Variants in DPH6 observed in about 807,000 individuals in gnomAD.
The protein encoded by DPH6 is diphthamine biosynthesis 6.
A neutral mutation model predicts 38.2 loss-of-function variants in DPH6; 33 were observed. The ratio of observed to expected loss-of-function variants is 0.86; its 90% CI spans 0.65 to 1.15. DPH6 has a LOEUF of 1.15. Among genes scored for constraint, DPH6 ranks in the 50% most tolerant of loss-of-function variants. The pLI, the probability that DPH6 is intolerant of heterozygous loss-of-function variation, is 0.00. For synonymous variants in DPH6, 108 were observed against 103.0 expected (o/e 1.05, Z -0.30); for missense variants, 325 against 320.0 (o/e 1.02, Z -0.12).
At chr15:35,277,714 T>A (rs942007520) in intron 3 of DPH6, among the ~76,000 whole-genome samples, 3 of 152,154 alleles carry the variant, frequency 2.0e-5, no homozygotes, top group Admixed American at 6.5e-5. Context: ...TGGAAATAAA[T>A]AAGTTACTGG....
At chr15:35,261,137 C>T (rs548879908) in intron 3 of DPH6, among the ~76,000 whole-genome samples, 26 of 152,306 alleles carry the variant, frequency 1.7e-4, no homozygotes, top group Admixed American at 1.3e-3. Context: ...TGATTAACTT[C>T]GTTCTTTAAT....
the DPH6 span, among the ~76,000 whole-genome samples, chr15:35,182,050 A>C: frequency 6.6e-6 from 1 of 152,024 alleles, no homozygotes; most frequent in Non-Finnish European, 1.5e-5. Context: ...TTTTAATTAT[A>C]GTTGTATTGG....
intron 5 of DPH6, among the ~76,000 whole-genome samples, chr15:35,429,245 C>A (rs1244039454): frequency 3.3e-5 from 5 of 152,142 alleles, no homozygotes; most frequent in Non-Finnish European, 5.9e-5. Flanking sequence ...GTCATAAAAC[C>A]TCTATGACTT....
In DPH6 at chr15:35,378,636, C is replaced by A. The variant is rs548156910; in HGVS notation, c.662+3186G>T. 5.3e-5 allele frequency among the ~76,000 whole-genome samples: 8 copies of A among 152,282 alleles called. No individual in the cohort carries two copies. The South Asian group carries it at 1.7e-3, about 32-fold the overall frequency. ...TGTGGCACATATACATCATGGAATA[C>A]TATGCAGCCAGAAAAAAGGATGAGT... On this transcript the variant is annotated intron_variant, in intron 7 of 8. Coordinates refer to ENST00000256538, the MANE Select transcript of DPH6 (RefSeq NM_080650.4).
chr15:35,446,720 G>T (rs1809481244), intron 5 of DPH6, among the ~76,000 whole-genome samples: 1 of 152,012 alleles, frequency 6.6e-6, no homozygotes, highest in African/African-American at 2.4e-5. Context: ...ACTGTGCAGG[G>T]GGTTGGTGCT....
chr15:35,202,349 G>C, the DPH6 span, among the ~76,000 whole-genome samples: 2 of 151,758 alleles, frequency 1.3e-5, no homozygotes, highest in Non-Finnish European at 3.0e-5. Context: ...TGTTACCACA[G>C]AGAGTTTACC....
intron 3 of DPH6, among the ~76,000 whole-genome samples, chr15:35,317,666 A>G (rs977188361): frequency 2.0e-5 from 3 of 152,048 alleles, no homozygotes; most frequent in Admixed American, 2.0e-4. Context: ...TGACAGAAAG[A>G]ATAAAAATGT....
chr15:35,289,722 A>C (rs771985938), intron 3 of DPH6, among the ~76,000 whole-genome samples: 4 of 152,242 alleles, frequency 2.6e-5, no homozygotes, highest in Non-Finnish European at 4.4e-5. Flanking sequence ...CTCATCTTAT[A>C]AATTAAAATG....
intron 3 of DPH6, chr15:35,331,102 A>G (rs1253735217): frequency 6.6e-6 from 1 of 152,180 alleles, no homozygotes; most frequent in Admixed American, 6.6e-5. Flanking sequence ...TAAAATAAAG[A>G]AAACAGTAAA....
At chr15:35,269,210 AT>A (rs1320363399) in intron 3 of DPH6, among the ~76,000 whole-genome samples, 2 of 152,176 alleles carry the variant, frequency 1.3e-5, no homozygotes. Flanking sequence ...AATCATTCCA[AT>A]TCCTTAAAAT....
chr15:35,500,928 ATGGGG>A (rs2141195338), intron 3 of DPH6, among the ~76,000 whole-genome samples: 2 of 152,228 alleles, frequency 1.3e-5, no homozygotes, highest in South Asian at 4.1e-4. Flanking sequence ...TTTAGTAGAG[ATGGGG>A]TTTCACCATG....
chr15:35,269,985 G>A (rs947189059), intron 3 of DPH6, among the ~76,000 whole-genome samples: 2 of 150,128 alleles, frequency 1.3e-5, no homozygotes, highest in Non-Finnish European at 2.9e-5. Flanking sequence ...GTAGAGATGG[G>A]GTTTCACCAT....
At position 35,455,751 on chromosome 15, in the gene DPH6, T is replaced by C. The variant is rs141635025; in HGVS notation, c.313-931A>G. Among the ~76,000 whole-genome samples the C allele has an allele frequency of 2.0e-3, 303 of 152,246 alleles. 1 individual carries two copies. The highest frequency in any genetic ancestry group is 6.7e-3 in the African/African-American group (277 of 41,550). On this transcript the variant is annotated intron_variant, in intron 3 of 8. Transcript: ENST00000256538. ...GGGTGATTACTAATAACAAACTGAA[T>C]AGAAATTCTCTGAATAGGTGTAAAA... is the stretch of plus-strand genomic sequence containing the variant.
At chr15:35,426,840 G>T (rs1461358392) in intron 5 of DPH6, among the ~76,000 whole-genome samples, 1 of 150,564 alleles carries the variant, frequency 6.6e-6, no homozygotes, top group South Asian at 2.1e-4. Context: ...TATCTGAAAG[G>T]TCAAAAGAGA....
rs75154349 is a variant in DPH6, at chr15:35,522,191, T to G, written c.312+16083A>C. The G allele has an allele frequency of 3.3e-5, 54 of 1,613,268 alleles. 1 individual carries two copies. In the East Asian group the frequency reaches 1.0e-3, roughly 31 times the overall value. On this transcript the variant is annotated intron_variant, in intron 3 of 8. Transcript: ENST00000256538. ...AGTTCATTTGGAGTCCTGTAAACAATCGCCTGGCTGCCCACTTTCAAATGC... is the reference window on the plus strand; with the variant it reads ...AGTTCATTTGGAGTCCTGTAAACAAGCGCCTGGCTGCCCACTTTCAAATGC...
At chr15:35,469,997 A>G (rs895155739) in intron 3 of DPH6, among the ~76,000 whole-genome samples, 1 of 152,168 alleles carries the variant, frequency 6.6e-6, no homozygotes, top group African/African-American at 2.4e-5. Context: ...CAGGAGTTTG[A>G]GACCAGCCTG....
In DPH6 at chr15:35,446,229, C is replaced by CTTTTTTTTTTTTTTTTTTTTT. The variant is rs71123132; in HGVS notation, c.505+4455_505+4456insAAAAAAAAAAAAAAAAAAAAA. 2.1e-5 allele frequency among the ~76,000 whole-genome samples: 2 copies of CTTTTTTTTTTTTTTTTTTTTT among 95,026 alleles called. 1 individual carries two copies. The highest frequency in any genetic ancestry group is 8.5e-5 in the African/African-American group (2 of 23,574). The allele number at this position is 95,026 out of a possible 152,430, so 62.3% of individuals were successfully genotyped here. A position where few individuals can be genotyped will look rare whatever the true frequency, so the allele number is the denominator to read the frequency against. ...TGTATTTTCCCTTTTTTTTTTTTTC[C>CTTTTTTTTTTTTTTTTTTTTT]TTTTTTTTTTTTTTTTTTCTGAGAC... is the stretch of plus-strand genomic sequence containing the variant. On this transcript the variant is annotated intron_variant, in intron 5 of 8. Transcript: ENST00000256538.
chr15:35,329,011 C>T (rs780051965), downstream of DPH6, among the ~76,000 whole-genome samples: 11 of 152,146 alleles, frequency 7.2e-5, no homozygotes, highest in African/African-American at 1.2e-4. Flanking sequence ...AAGAACAGTA[C>T]GCGGGAAACT....
intron 5 of DPH6, among the ~76,000 whole-genome samples, chr15:35,412,421 G>A (rs538988737): frequency 2.0e-5 from 3 of 151,752 alleles, no homozygotes; most frequent in Admixed American, 1.3e-4. Flanking sequence ...AGACAGTTGG[G>A]AGGTTCTTAC....
Sources: allele counts gnomAD v4.1 joint callset (sites outside exome capture counted in the v4.1 genomes callset), GRCh38; gene constraint gnomAD v4.1.1; transcripts MANE v1.5; gene names NCBI Gene and HGNC (gene_info 2026-07-23, HGNC 2026-07-21).